CSMD1: variants seen among roughly 807,000 people sequenced by gnomAD.
CSMD1 encodes the protein CUB and Sushi multiple domains 1.
A neutral mutation model predicts 417.5 loss-of-function variants in CSMD1; 213 were observed. The observed-to-expected ratio is 0.51, with a 90% CI of 0.46 to 0.57. The LOEUF is 0.57. Ranked by LOEUF, CSMD1 falls within the 20% of genes least tolerant of loss-of-function variation. The probability of loss-of-function intolerance (pLI) is 0.00; values close to 1 mark genes in which losing one functional copy is unlikely to be tolerated. For synonymous variants in CSMD1, 2,862 were observed against 1,736.8 expected (o/e 1.65, Z -16.11); for missense variants, 6,923 against 4,529.7 (o/e 1.53, Z -15.17).
At chr8:3,918,206 T>C (rs1808960131) in intron 5 of CSMD1, among the ~76,000 whole-genome samples, 1 of 152,142 alleles carries the variant, frequency 6.6e-6, no homozygotes, top group Admixed American at 6.6e-5. Context: ...CTTTGGATAA[T>C]TACCTGGAAG....
At chr8:4,925,782 C>T (rs1806826287) in intron 1 of CSMD1, among the ~76,000 whole-genome samples, 1 of 152,064 alleles carries the variant, frequency 6.6e-6, no homozygotes, top group Non-Finnish European at 1.5e-5. Flanking sequence ...CTCCTGACCT[C>T]GTGATCCGCC....
chr8:4,250,413 T>A (rs1007953149), intron 3 of CSMD1, among the ~76,000 whole-genome samples: 2 of 152,138 alleles, frequency 1.3e-5, no homozygotes, highest in African/African-American at 4.8e-5. Flanking sequence ...GGATCCAATA[T>A]TGTAGCCACT....
intron 20 of CSMD1, 66 bp downstream of exon 20, chr8:3,366,966 A>C (rs2117756637): frequency 8.1e-7 from 1 of 1,237,404 alleles, no homozygotes; most frequent in Non-Finnish European, 1.2e-6. Context: ...ACCCACACAC[A>C]TTCTCACTAA....
At chr8:3,727,340 C>G (rs541483973) in intron 6 of CSMD1, among the ~76,000 whole-genome samples, 2 of 152,304 alleles carry the variant, frequency 1.3e-5, no homozygotes, top group African/African-American at 2.4e-5. Flanking sequence ...CACTGCAGTT[C>G]CCATAAATAT....
chr8:3,951,164 T>G (rs1811570513), intron 5 of CSMD1, among the ~76,000 whole-genome samples: 1 of 152,182 alleles, frequency 6.6e-6, no homozygotes, highest in Non-Finnish European at 1.5e-5. Flanking sequence ...AGACAGAAGT[T>G]TTGAAGCAAA....
chr8:3,399,519 A>C lies in CSMD1; in HGVS notation c.2277T>G (p.Gly759=), dbSNP rs779940903. 16 of 1,595,552 alleles carry C rather than the reference A, an allele frequency of 1.0e-5. No individual in the cohort carries two copies. The highest frequency in any genetic ancestry group is 2.3e-5 in the East Asian group (1 of 44,346). The change falls in exon 16 of 70, where the codon GGT becomes GGG. Residue 759 remains glycine (G), a synonymous_variant. Transcript: ENST00000635120. ...CTCCGCTGGACGCTGTCAGATGTCC[A>C]CCACATGGAGCTAAAACAAGACGTA... ...STVPRCEAPC[G]GHLTASSGVI... is the part of the protein sequence containing the mutation.
At chr8:4,805,970 A>G (rs546489251) in intron 1 of CSMD1, among the ~76,000 whole-genome samples, 9 of 152,308 alleles carry the variant, frequency 5.9e-5, no homozygotes, top group African/African-American at 1.9e-4. Context: ...TTAATTACCA[A>G]GGGCTTTTCT....
intron 7 of CSMD1, among the ~76,000 whole-genome samples, chr8:3,699,205 G>C (rs947887917): frequency 1.3e-5 from 2 of 152,194 alleles, no homozygotes; most frequent in Non-Finnish European, 2.9e-5. Flanking sequence ...TGACTGACTA[G>C]AGCACACAAT....
At chr8:3,524,459 G>A (rs564573862) in intron 10 of CSMD1, among the ~76,000 whole-genome samples, 3 of 147,064 alleles carry the variant, frequency 2.0e-5, no homozygotes, top group Non-Finnish European at 3.0e-5. Context: ...ATGCACATAT[G>A]CATGCACACC....
intron 1 of CSMD1, among the ~76,000 whole-genome samples, chr8:4,681,717 C>A (rs370109628): frequency 1.6e-3 from 246 of 152,002 alleles, no homozygotes; most frequent in African/African-American, 5.8e-3. Context: ...GCAGAATTAA[C>A]AAAAAAGAAG....
intron 12 of CSMD1, among the ~76,000 whole-genome samples, chr8:3,441,647 G>T (rs1463853125): frequency 6.6e-6 from 1 of 152,012 alleles, no homozygotes; most frequent in Non-Finnish European, 1.5e-5. Context: ...ATTGATCATA[G>T]CACAATGCAT....
intron 10 of CSMD1, among the ~76,000 whole-genome samples, chr8:3,560,604 A>G (rs1243269743): frequency 6.6e-6 from 1 of 152,192 alleles, no homozygotes; most frequent in Non-Finnish European, 1.5e-5. Flanking sequence ...TGGAAAGGCT[A>G]GAGAAAAGGG....
intron 5 of CSMD1, among the ~76,000 whole-genome samples, chr8:3,762,474 A>C (rs901599355): frequency 3.9e-5 from 6 of 152,228 alleles, no homozygotes; most frequent in African/African-American, 1.4e-4. Flanking sequence ...GGTATAAGGC[A>C]CATGGCTGTG....
At chr8:4,933,534 A>C (rs566242678) in intron 1 of CSMD1, among the ~76,000 whole-genome samples, 1 of 152,208 alleles carries the variant, frequency 6.6e-6, no homozygotes, top group African/African-American at 2.4e-5. Flanking sequence ...GACAGAGAGA[A>C]AAATACTTTC....
chr8:3,437,984 G>A (rs11781087), intron 12 of CSMD1, among the ~76,000 whole-genome samples: 95,315 of 151,742 alleles, frequency 0.63, 30,083 homozygotes, highest in East Asian at 0.76. Flanking sequence ...CAGATGATCC[G>A]CTCACCTCAG....
intron 3 of CSMD1, among the ~76,000 whole-genome samples, chr8:4,163,306 C>T (rs1797272500): frequency 6.6e-6 from 1 of 152,126 alleles, no homozygotes; most frequent in South Asian, 2.1e-4. Context: ...TAAGAAACCA[C>T]CCAATTGTCT....
At chr8:3,651,066 T>A (rs951362785) in intron 7 of CSMD1, among the ~76,000 whole-genome samples, 2 of 152,176 alleles carry the variant, frequency 1.3e-5, no homozygotes, top group Non-Finnish European at 2.9e-5. Flanking sequence ...TCCCATGAGC[T>A]CCATATTCAA....
At chr8:4,110,554 C>G (rs776248532) in intron 3 of CSMD1, among the ~76,000 whole-genome samples, 1 of 152,104 alleles carries the variant, frequency 6.6e-6, no homozygotes, top group Non-Finnish European at 1.5e-5. Context: ...AATTTTTAAA[C>G]AATTTTCTGA....
chr8:4,818,024 G>A (rs552887610), intron 1 of CSMD1, among the ~76,000 whole-genome samples: 5 of 152,244 alleles, frequency 3.3e-5, no homozygotes, highest in South Asian at 2.1e-4. Flanking sequence ...TTCAGTCAGC[G>A]TCACAGTGAC....
Sources: gnomAD v4.1 joint callset for allele counts (sites outside exome capture counted in the v4.1 genomes callset) on GRCh38, gnomAD v4.1.1 for gene constraint, MANE v1.5 for transcripts, NCBI Gene and HGNC (gene_info 2026-07-23, HGNC 2026-07-21) for gene names.